CWH43: variants seen among roughly 807,000 people sequenced by gnomAD.
The protein encoded by CWH43 is PGAP2-interacting protein.
A neutral mutation model predicts 85.7 loss-of-function variants in CWH43; 91 were observed. That is an observed-to-expected ratio of 1.06 (90% CI 0.90 to 1.26). The LOEUF (loss-of-function observed/expected upper bound fraction) is 1.26. Among genes scored for constraint, CWH43 ranks in the 50% most tolerant of loss-of-function variants. The pLI, the probability that CWH43 is intolerant of heterozygous loss-of-function variation, is 0.00. For missense variants in CWH43, 869 were observed against 839.2 expected (o/e 1.04, Z -0.44); for synonymous variants, 323 against 293.6 (o/e 1.10, Z -1.02).
chr4:49,047,956 G>C (rs1226745327), intron 14 of CWH43, among the ~76,000 whole-genome samples: 1 of 152,198 alleles, frequency 6.6e-6, no homozygotes. Flanking sequence ...CTGTGGAACA[G>C]ATAGCTTGAC....
intron 15 of CWH43, among the ~76,000 whole-genome samples, chr4:49,051,469 G>A (rs1426582603): frequency 6.6e-6 from 1 of 152,314 alleles, no homozygotes; most frequent in Non-Finnish European, 1.5e-5. Context: ...TATCTGGGCT[G>A]TGGAATTTAA....
At chr4:48,996,330 CAT>C (rs1052511471) in intron 5 of CWH43, among the ~76,000 whole-genome samples, 18 of 150,126 alleles carry the variant, frequency 1.2e-4, no homozygotes, top group South Asian at 4.2e-4. Flanking sequence ...CACACACACA[CAT>C]ATATATATGT....
intron 8 of CWH43, among the ~76,000 whole-genome samples, chr4:49,015,418 G>A (rs1252233056): frequency 6.6e-6 from 1 of 152,014 alleles, no homozygotes; most frequent in Non-Finnish European, 1.5e-5. Flanking sequence ...AGCTGTCAGT[G>A]TAATTGTTTT....
chr4:49,036,917 T>A (rs1784279413), intron 12 of CWH43, among the ~76,000 whole-genome samples: 1 of 152,302 alleles, frequency 6.6e-6, no homozygotes, highest in African/African-American at 2.4e-5. Flanking sequence ...CATCTCCCAC[T>A]AGTCGGTGCT....
chr4:48,997,038 C>A (rs559375768), intron 5 of CWH43, among the ~76,000 whole-genome samples: 7 of 152,300 alleles, frequency 4.6e-5, no homozygotes, highest in African/African-American at 1.7e-4. Context: ...CAATGCACAT[C>A]AGCATATTAG....
In CWH43 at chr4:48,994,755, C is replaced by T. The variant is rs756179636; in HGVS notation, c.648C>T (p.Val216=). 3.7e-6 allele frequency: 6 copies of T among 1,613,958 alleles called. No individual in the cohort carries two copies. The South Asian group carries it at 5.5e-5, about 15-fold the overall frequency. Residue 216 remains valine, a synonymous_variant, in exon 5 of 16, where the codon GTC becomes GTT. Transcript: ENST00000226432. The part of the protein sequence containing the change: ...VFLTHWVFGE[V]SLVSRWAVSG... ...TCACCCACTGGGTTTTTGGAGAAGT[C>T]TCTCTTGTTTCCAGATGGGCAGTGA... is the stretch of plus-strand genomic sequence containing the variant.
At chr4:49,010,505 T>G (rs1390106140) in intron 8 of CWH43, among the ~76,000 whole-genome samples, 1 of 152,200 alleles carries the variant, frequency 6.6e-6, no homozygotes, top group Non-Finnish European at 1.5e-5. Flanking sequence ...AGTTATTTCT[T>G]GCCTTCTGCT....
intron 13 of CWH43, among the ~76,000 whole-genome samples, chr4:49,040,107 G>A (rs1479319759): frequency 6.6e-6 from 1 of 152,096 alleles, no homozygotes; most frequent in Non-Finnish European, 1.5e-5. Flanking sequence ...AGTATTCCAT[G>A]GTGTATATGT....
chr4:49,030,231 T>C (rs779085580), intron 10 of CWH43, among the ~76,000 whole-genome samples: 4 of 152,254 alleles, frequency 2.6e-5, no homozygotes, highest in Non-Finnish European at 4.4e-5. Flanking sequence ...TTTTGGTTTG[T>C]AGACCAACTA....
At chr4:49,008,878 A>T (rs1271053902) in intron 8 of CWH43, among the ~76,000 whole-genome samples, 2 of 151,964 alleles carry the variant, frequency 1.3e-5, no homozygotes, top group South Asian at 4.2e-4. Flanking sequence ...GTTACTGTAG[A>T]CTTGTAGTAT....
intron 5 of CWH43, among the ~76,000 whole-genome samples, chr4:48,997,864 T>C (rs1782862553): frequency 6.6e-6 from 1 of 152,242 alleles, no homozygotes; most frequent in African/African-American, 2.4e-5. Flanking sequence ...TTAATTTATG[T>C]GACAGCTACT....
Position 48,986,351 on chromosome 4 carries a change from G to A in CWH43, c.-79G>A. 1 of 1,393,800 alleles carries A rather than the reference G, an allele frequency of 7.2e-7. No individual in the cohort carries two copies. The allele number at this position is 1,393,800 out of a possible 1,614,324, so 86.3% of individuals were successfully genotyped here. ...GCAGGCCCGGGAGGACGCGGCGGCG[G>A]GAACCTGGGGGCGCAGGGCTAGGGC... On this transcript the variant is annotated 5_prime_UTR_variant, in exon 1 of 16. Coordinates refer to ENST00000226432, the MANE Select transcript of CWH43 (RefSeq NM_025087.3).
chr4:49,006,212 A>G (rs377430996), intron 7 of CWH43, among the ~76,000 whole-genome samples: 2 of 152,044 alleles, frequency 1.3e-5, no homozygotes, highest in South Asian at 2.1e-4. Context: ...AGTAAGAGCT[A>G]TTCCATGCAT....
intron 12 of CWH43, among the ~76,000 whole-genome samples, chr4:49,036,909 T>A (rs1334865087): frequency 6.6e-6 from 1 of 152,136 alleles, no homozygotes; most frequent in East Asian, 1.9e-4. Context: ...CATTGCTACA[T>A]CTCCCACTAG....
At chr4:49,013,448 C>CGGTGAGGTGA (rs1466736942) in intron 8 of CWH43, among the ~76,000 whole-genome samples, 2 of 152,234 alleles carry the variant, frequency 1.3e-5, no homozygotes, top group Non-Finnish European at 2.9e-5. Context: ...TTGCACTTCC[C>CGGTGAGGTGA]GGGTGAGGTG....
chr4:48,992,627 C>T lies in CWH43; in HGVS notation c.511+537C>T, dbSNP rs565045573. ...ATCACCTGTCTCTCCCAGGGGCCAG[C>T]TTTCTCCGAGACAGAAACATGCCCA... On this transcript the variant is annotated intron_variant, in intron 4 of 15. Transcript: ENST00000226432. The surrounding 1 kb of genome is among the most constrained non-coding windows in gnomAD (Gnocchi z 4.3). Among the ~76,000 whole-genome samples the T allele has an allele frequency of 2.0e-5, 3 of 152,314 alleles. No individual in the cohort carries two copies. In the East Asian group the frequency reaches 5.8e-4, roughly 29 times the overall value.
intron 1 of CWH43, among the ~76,000 whole-genome samples, chr4:48,986,951 T>C (rs1782515013): frequency 1.3e-5 from 2 of 152,234 alleles, no homozygotes; most frequent in African/African-American, 4.8e-5. Flanking sequence ...ACAAGTGGCC[T>C]TGGTGTCGGC....
chr4:49,061,755 C>T (rs1237796958), intron 15 of CWH43, 57 bp from the exon 16 acceptor site: 4 of 1,216,494 alleles, frequency 3.3e-6, no homozygotes, highest in African/African-American at 3.1e-5. Flanking sequence ...TAAGAACATA[C>T]CTTTCTGAAT....
At chr4:49,006,232 T>A (rs1358205071) in intron 7 of CWH43, among the ~76,000 whole-genome samples, 1 of 152,170 alleles carries the variant, frequency 6.6e-6, no homozygotes, top group Non-Finnish European at 1.5e-5. Flanking sequence ...TGAGTTTGTT[T>A]CTTTAGAATT....
Sources: allele counts gnomAD v4.1 joint callset (sites outside exome capture counted in the v4.1 genomes callset), GRCh38; gene constraint gnomAD v4.1.1; non-coding constraint Gnocchi (gnomAD v3.1); transcripts MANE v1.5; gene names NCBI Gene and HGNC (gene_info 2026-07-23, HGNC 2026-07-21).